Variants in LONP2 observed in about 807,000 individuals in gnomAD.
LONP2 encodes the protein lon peptidase 2, peroxisomal.
LONP2 carries 60 observed loss-of-function variants against 85.6 expected under a neutral mutation model. That is an observed-to-expected ratio of 0.70 (90% CI 0.57 to 0.87). The LOEUF (loss-of-function observed/expected upper bound fraction) is 0.87. LONP2 is among the 40% of genes least tolerant of loss of function. LONP2 has a pLI of 0.00. For synonymous variants in LONP2, 395 were observed against 389.7 expected (o/e 1.01, Z -0.16); for missense variants, 860 against 1,063.5 (o/e 0.81, Z 2.66).
At chr16:48,295,590 G>T (rs1006345517) in intron 8 of LONP2, among the ~76,000 whole-genome samples, 1 of 152,048 alleles carries the variant, frequency 6.6e-6, no homozygotes, top group Non-Finnish European at 1.5e-5. Flanking sequence ...GGATTATATG[G>T]GTTCTTATTT....
At chr16:48,269,818 A>G (rs979946220) in intron 6 of LONP2, among the ~76,000 whole-genome samples, 198 bp from the exon 7 acceptor site, 1 of 152,202 alleles carries the variant, frequency 6.6e-6, no homozygotes, top group East Asian at 1.9e-4. Context: ...AGTGCCTACT[A>G]TCTCTGGGGA....
At chr16:48,293,217 A>G (rs889843700) in intron 8 of LONP2, among the ~76,000 whole-genome samples, 2 of 152,170 alleles carry the variant, frequency 1.3e-5, no homozygotes, top group Non-Finnish European at 2.9e-5. Context: ...TCACGAGGTC[A>G]GGAGATCGAG....
At chr16:48,289,428 T>C (rs74394487) in intron 8 of LONP2, among the ~76,000 whole-genome samples, 1,866 of 152,316 alleles carry the variant, frequency 0.012, 40 homozygotes, top group African/African-American at 0.042. Context: ...TTGTGTTCTT[T>C]TGAGTTTCTG....
chr16:48,270,687 C>T (rs1415715725), intron 7 of LONP2, among the ~76,000 whole-genome samples: 1 of 152,138 alleles, frequency 6.6e-6, no homozygotes, highest in East Asian at 1.9e-4. Context: ...TGATAACAAA[C>T]TTGTTCTGAT....
At chr16:48,245,509 A>G (rs140219931) in intron 1 of LONP2, among the ~76,000 whole-genome samples, 19 of 152,306 alleles carry the variant, frequency 1.2e-4, no homozygotes, top group African/African-American at 4.6e-4. Flanking sequence ...TGTGTAGTGC[A>G]TGTGGCTCGT....
intron 11 of LONP2, among the ~76,000 whole-genome samples, chr16:48,320,353 TTG>T (rs1378055948): frequency 6.6e-6 from 1 of 152,042 alleles, no homozygotes; most frequent in Non-Finnish European, 1.5e-5. Flanking sequence ...TTTCCTTTGA[TTG>T]TATTAGTAGC....
chr16:48,271,232 A>G (rs866972415), intron 7 of LONP2, among the ~76,000 whole-genome samples: 15 of 152,326 alleles, frequency 9.8e-5, no homozygotes, highest in Middle Eastern at 3.4e-3. Context: ...TGACATTATT[A>G]GAATCAGATT....
intron 11 of LONP2, among the ~76,000 whole-genome samples, chr16:48,311,311 G>A (rs1973026399): frequency 6.7e-6 from 1 of 149,700 alleles, no homozygotes; most frequent in African/African-American, 2.4e-5. Flanking sequence ...AATGTCTTAT[G>A]TAATCCCTTA....
intron 11 of LONP2, among the ~76,000 whole-genome samples, chr16:48,308,584 G>A (rs771331670): frequency 8.1e-5 from 12 of 147,602 alleles, no homozygotes; most frequent in South Asian, 2.1e-4. Context: ...CCGAGATCGC[G>A]CCATTGCACT....
intron 12 of LONP2, among the ~76,000 whole-genome samples, chr16:48,342,147 G>A (rs1959831871): frequency 6.6e-6 from 1 of 152,184 alleles, no homozygotes; most frequent in African/African-American, 2.4e-5. Context: ...ATGTTTTCAT[G>A]AGGTAGTCCC....
Position 48,315,963 on chromosome 16 carries a change from A to ATTT in LONP2, c.1795+12677_1795+12679dup, listed in dbSNP as rs201723319. ...TGAAGTTCTTAATTACCATATTGTA[A>ATTT]TTTTTTTTTTTTTTTTTTTTTACTT... On this transcript the variant is annotated intron_variant, in intron 11 of 14. Transcript: ENST00000285737. 2.6e-3 allele frequency among the ~76,000 whole-genome samples: 278 copies of ATTT among 107,582 alleles called. 4 individuals carry two copies. The highest frequency in any genetic ancestry group is 9.1e-3 in the African/African-American group (250 of 27,366). The allele number at this position is 107,582 out of a possible 152,430, so 70.6% of individuals were successfully genotyped here. A position where few individuals can be genotyped will look rare whatever the true frequency, so the allele number is the denominator to read the frequency against.
At chr16:48,339,753 G>A (rs567801536) in intron 12 of LONP2, among the ~76,000 whole-genome samples, 24 of 152,298 alleles carry the variant, frequency 1.6e-4, no homozygotes, top group African/African-American at 5.8e-4. Context: ...AAAGGGACAA[G>A]AATATTGAGT....
rs535183834 is a variant in LONP2, at chr16:48,265,919, A to T, written c.982+3047A>T. On this transcript the variant is annotated intron_variant, in intron 6 of 14. Coordinates refer to ENST00000285737, the MANE Select transcript of LONP2 (RefSeq NM_031490.5). Reference sequence around the variant, plus strand: ...GTTTTATAATTTTTAGTGTACAGACATTTTACCTCCTTGGTTAAGTTTGTA... The same window carrying T: ...GTTTTATAATTTTTAGTGTACAGACTTTTTACCTCCTTGGTTAAGTTTGTA... 1.3e-3 allele frequency among the ~76,000 whole-genome samples: 205 copies of T among 152,224 alleles called. 1 individual carries two copies. Among genetic ancestry groups the T allele is most frequent in the Non-Finnish European group, 2.5e-3 (173 of 68,006 alleles).
chr16:48,258,569 A>G lies in LONP2; in HGVS notation c.601-49A>G, dbSNP rs1363750516. 9.1e-6 allele frequency: 14 copies of G among 1,534,450 alleles called. No homozygotes were observed. The South Asian group carries it at 1.6e-4, about 18-fold the overall frequency. On this transcript the variant is annotated intron_variant, in intron 3 of 14. Coordinates refer to ENST00000285737, the MANE Select transcript of LONP2 (RefSeq NM_031490.5). ...CATGGCTCTGACTGTCTGTTTTTGG[A>G]TTGTGTGTTTCTGAGAGAGATCCTA...
In LONP2 at chr16:48,362,866, G is replaced by A. The variant is rs1277593862; in HGVS notation, c.*1003G>A. 1 of 170,718 alleles carries A rather than the reference G, an allele frequency of 5.9e-6. No homozygotes were observed. The highest frequency in any genetic ancestry group is 6.3e-5 in the Admixed American group (1 of 15,900). The allele number at this position is 170,718 out of a possible 1,614,324, so 10.6% of individuals were successfully genotyped here. On this transcript the variant is annotated 3_prime_UTR_variant, in exon 5 of 5. Transcript: ENST00000565867. This position sits in a 1 kb window ranked among gnomAD's most constrained non-coding sequence, Gnocchi z 4.2. ...TGTTGATAGGTACAGGGAGTTACAG[G>A]TGAACTCCTGTATAAAATCGGCACT... is the stretch of plus-strand genomic sequence containing the variant.
At chr16:48,254,592 T>G (rs1203110529) in intron 2 of LONP2, among the ~76,000 whole-genome samples, 1 of 151,950 alleles carries the variant, frequency 6.6e-6, no homozygotes, top group African/African-American at 2.4e-5. Flanking sequence ...CTCGAACTCC[T>G]GACCTCATGA....
At position 48,354,690 on chromosome 16, in the gene LONP2, T is replaced by C. The variant is rs905327859; in HGVS notation, c.*2888T>C. The C allele has an allele frequency of 3.9e-5, 6 of 152,190 alleles. No individual in the cohort carries two copies. Among genetic ancestry groups the C allele is most frequent in the Non-Finnish European group, 7.3e-5 (5 of 68,050 alleles). 9.4% of individuals were successfully genotyped at this position (152,190 alleles called of 1,614,324 possible). A position where few individuals can be genotyped will look rare whatever the true frequency, so the allele number is the denominator to read the frequency against. ...TTTAGCATTCTTACTTAGCAAGCCA[T>C]CAACTGCTCGAACAGTCACTGGGGC... On this transcript the variant is annotated 3_prime_UTR_variant, in exon 15 of 15. Transcript: ENST00000285737.
chr16:48,332,682 G>A (rs970891711), intron 11 of LONP2, among the ~76,000 whole-genome samples: 2 of 151,610 alleles, frequency 1.3e-5, no homozygotes, highest in Non-Finnish European at 2.9e-5. Flanking sequence ...CTACACGCCC[G>A]CCTGGGTGAC....
intron 1 of LONP2, among the ~76,000 whole-genome samples, chr16:48,245,598 G>T (rs1330895004): frequency 6.6e-6 from 1 of 152,112 alleles, no homozygotes; most frequent in Non-Finnish European, 1.5e-5. Context: ...CTATGTTTTA[G>T]CCCCTCCGTC....
Sources: allele counts gnomAD v4.1 joint callset (sites outside exome capture counted in the v4.1 genomes callset), GRCh38; gene constraint gnomAD v4.1.1; non-coding constraint Gnocchi (gnomAD v3.1); transcripts MANE v1.5; gene names NCBI Gene and HGNC (gene_info 2026-07-23, HGNC 2026-07-21).